Variants in MARK1 observed in about 807,000 individuals in gnomAD.
MARK1 encodes the protein microtubule affinity regulating kinase 1.
MARK1 carries 40 observed loss-of-function variants against 96.3 expected under a neutral mutation model. The observed-to-expected ratio is 0.42, with a 90% confidence interval of 0.32 to 0.54. MARK1 has a LOEUF of 0.54. MARK1 is among the 20% of genes least tolerant of loss of function. The pLI is 0.16. For synonymous variants in MARK1, 317 were observed against 341.2 expected, an observed-to-expected ratio of 0.93 and a Z score of 0.78; for missense variants, 719 against 984.6, an observed-to-expected ratio of 0.73 and a Z score of 3.61.
chr1:220,650,379 T>G (rs1668805982), intron 13 of MARK1, among the ~76,000 whole-genome samples: 1 of 152,208 alleles, frequency 6.6e-6, no homozygotes, highest in Non-Finnish European at 1.5e-5. Flanking sequence ...CTCCTATTGC[T>G]TCCAAACTGC....
At chr1:220,600,045 T>C (rs1665637978) in intron 5 of MARK1, among the ~76,000 whole-genome samples, 182 bp downstream of exon 5, 1 of 152,188 alleles carries the variant, frequency 6.6e-6, no homozygotes, top group Non-Finnish European at 1.5e-5. Flanking sequence ...GATCTTACAT[T>C]ATAAATGGAA....
chr1:220,629,917 T>C (rs1667573924), intron 9 of MARK1, among the ~76,000 whole-genome samples: 1 of 152,232 alleles, frequency 6.6e-6, no homozygotes, highest in South Asian at 2.1e-4. Flanking sequence ...TATAAGTTTC[T>C]GAATATCTCT....
chr1:220,541,121 C>T (rs1340611268), intron 1 of MARK1, among the ~76,000 whole-genome samples: 10 of 151,928 alleles, frequency 6.6e-5, no homozygotes, highest in African/African-American at 1.7e-4. Context: ...TTAGAAGAGA[C>T]GGGGTTTCAC....
chr1:220,585,902 A>G (rs1664564601), intron 3 of MARK1, among the ~76,000 whole-genome samples: 1 of 151,876 alleles, frequency 6.6e-6, no homozygotes, highest in African/African-American at 2.4e-5. Context: ...GTCTGCTTTT[A>G]TCTTTCTCTA....
At chr1:220,545,918 A>C (rs1472101887) in intron 1 of MARK1, among the ~76,000 whole-genome samples, 1 of 151,982 alleles carries the variant, frequency 6.6e-6, no homozygotes, top group East Asian at 1.9e-4. Context: ...TCCTTCCCTT[A>C]CTGGGCCTGC....
intron 16 of MARK1, 100 bp from the exon 17 acceptor site, chr1:220,657,689 AG>A: frequency 1.3e-6 from 1 of 762,638 alleles, no homozygotes. Flanking sequence ...TCATGGTAGA[AG>A]TTTGCTCAAC....
In MARK1 at chr1:220,616,013, ATTT is replaced by A. The variant is rs67564055; in HGVS notation, c.552+23_552+25del. The A allele has an allele frequency of 1.7e-4, 176 of 1,030,304 alleles. No homozygotes were observed. The highest frequency in any genetic ancestry group is 1.6e-3 in the Admixed American group (69 of 44,062). The allele number at this position is 1,030,304 out of a possible 1,614,324, so 63.8% of individuals were successfully genotyped here. ...ATCTTAAGGTAAGCTTCTGAGTGTA[ATTT>A]TTTTAAAAAAAAAATCGTTATTATT... On this transcript the variant is annotated intron_variant, in intron 7 of 17. Transcript: ENST00000366917.
intron 3 of MARK1, among the ~76,000 whole-genome samples, chr1:220,584,810 T>C (rs1664481868): frequency 6.6e-6 from 1 of 152,166 alleles, no homozygotes; most frequent in Non-Finnish European, 1.5e-5. Flanking sequence ...CACAAGAAGC[T>C]CTTTGGAAAT....
At chr1:220,597,194 G>A (rs1409198251) in intron 3 of MARK1, among the ~76,000 whole-genome samples, 4 of 152,104 alleles carry the variant, frequency 2.6e-5, no homozygotes, top group Admixed American at 1.3e-4. Context: ...ATCTGCTTGA[G>A]TCTCTGCTTT....
intron 3 of MARK1, among the ~76,000 whole-genome samples, chr1:220,585,422 A>G (rs1489268129): frequency 6.6e-6 from 1 of 152,224 alleles, no homozygotes; most frequent in African/African-American, 2.4e-5. Context: ...AACAGTTTAA[A>G]TGTTGAGGAT....
chr1:220,530,043 GAA>G lies in MARK1; in HGVS notation c.51+1172_51+1173del, dbSNP rs201568798. Among the ~76,000 whole-genome samples, 3 of 152,270 alleles carry G rather than the reference GAA, an allele frequency of 2.0e-5. No homozygotes were observed. In the East Asian group the frequency reaches 5.8e-4, roughly 29 times the overall value. Reference sequence around the variant, plus strand: ...GTGTTCTTAGACAAAAGGCATGAGAGAAAGGATACAAGCTCACTTCTGAGTTG... The same window carrying G: ...GTGTTCTTAGACAAAAGGCATGAGAGAGGATACAAGCTCACTTCTGAGTTG... On this transcript the variant is annotated intron_variant, in intron 1 of 17. Transcript: ENST00000366917.
chr1:220,539,497 C>A, intron 1 of MARK1, among the ~76,000 whole-genome samples: 1 of 152,072 alleles, frequency 6.6e-6, no homozygotes, highest in East Asian at 1.9e-4. Context: ...ATTTTTGCAT[C>A]AATGTTCTTT....
chr1:220,610,609 G>A (rs776501150), intron 6 of MARK1, among the ~76,000 whole-genome samples: 4 of 152,186 alleles, frequency 2.6e-5, no homozygotes, highest in Non-Finnish European at 5.9e-5. Context: ...AAGGAGCTGC[G>A]ATCCTTTGGA....
chr1:220,560,434 G>A (rs535294788), intron 1 of MARK1, among the ~76,000 whole-genome samples: 18 of 152,128 alleles, frequency 1.2e-4, no homozygotes, highest in Non-Finnish European at 2.2e-4. Flanking sequence ...CCTTAATGTT[G>A]AGAACTTGCA....
In MARK1 at chr1:220,595,755, G is replaced by A. The variant is rs114479443; in HGVS notation, c.310-2576G>A. Among the ~76,000 whole-genome samples, 1,117 of 152,284 alleles carry A rather than the reference G, an allele frequency of 7.3e-3. 14 individuals are homozygous for A. The highest frequency in any genetic ancestry group is 0.02 in the Middle Eastern group (6 of 294). ...GTGTGGATAACAGGTTGGAGGATGG[G>A]AAGGTAGAAAAGAGAGTCAGAATGG... On this transcript the variant is annotated intron_variant, in intron 3 of 17. Transcript: ENST00000366917.
chr1:220,575,445 T>C (rs1209017953), intron 1 of MARK1, among the ~76,000 whole-genome samples: 1 of 152,236 alleles, frequency 6.6e-6, no homozygotes, highest in African/African-American at 2.4e-5. Context: ...TGAATTGATA[T>C]TCTTGCCACA....
At chr1:220,610,314 G>C (rs1296238652) in intron 6 of MARK1, among the ~76,000 whole-genome samples, 1 of 152,094 alleles carries the variant, frequency 6.6e-6, no homozygotes, top group Non-Finnish European at 1.5e-5. Flanking sequence ...TTCAGTCACT[G>C]ATAGCCTTTC....
chr1:220,625,706 G>C, intron 9 of MARK1: 1 of 404,054 alleles, frequency 2.5e-6, no homozygotes, highest in Non-Finnish European at 4.9e-6. Flanking sequence ...TTACTGTTGA[G>C]ACCAACTGAT....
chr1:220,637,686 CA>C (rs758704342), intron 13 of MARK1, among the ~76,000 whole-genome samples: 2 of 148,430 alleles, frequency 1.3e-5, no homozygotes, highest in Non-Finnish European at 3.0e-5. Context: ...TCTCAAAAAC[CA>C]AAAAAAAGAA....
Sources: allele counts gnomAD v4.1 joint callset (sites outside exome capture counted in the v4.1 genomes callset), GRCh38; gene constraint gnomAD v4.1.1; transcripts MANE v1.5; gene names NCBI Gene and HGNC (gene_info 2026-07-23, HGNC 2026-07-21).